CNTN4: variants seen among roughly 807,000 people sequenced by gnomAD.
CNTN4 encodes contactin 4, also known as contactin-4.
CNTN4 carries 77 observed loss-of-function variants against 122.5 expected under a neutral mutation model. That is an observed-to-expected ratio of 0.63 (90% CI 0.52 to 0.76). The LOEUF (loss-of-function observed/expected upper bound fraction) is 0.76. Among genes scored for constraint, CNTN4 ranks in the 30% least tolerant of loss-of-function variants. The pLI, the probability that CNTN4 is intolerant of heterozygous loss-of-function variation, is 0.00. For synonymous variants in CNTN4, 512 were observed against 447.0 expected, an observed-to-expected ratio of 1.15 and a Z score of -1.83; for missense variants, 1,256 against 1,259.1, an observed-to-expected ratio of 1.00 and a Z score of 0.04.
At chr3:2,332,891 T>C (rs1167836061) in intron 2 of CNTN4, among the ~76,000 whole-genome samples, 3 of 150,146 alleles carry the variant, frequency 2.0e-5, no homozygotes, top group African/African-American at 7.4e-5. Context: ...TAAAATAAAA[T>C]TAAAAAAAAA....
chr3:2,311,658 G>A (rs2042921588), intron 2 of CNTN4, among the ~76,000 whole-genome samples: 1 of 152,058 alleles, frequency 6.6e-6, no homozygotes, highest in South Asian at 2.1e-4. Context: ...TCACTGATCC[G>A]GCATGCTAAG....
chr3:2,135,346 C>T (rs578229303), intron 2 of CNTN4, among the ~76,000 whole-genome samples: 2 of 152,230 alleles, frequency 1.3e-5, no homozygotes, highest in East Asian at 1.9e-4. Context: ...ATGTAAAATA[C>T]GAGTACTATC....
rs1233878183 is a variant in CNTN4, at chr3:2,440,873, GTATATATGTA to G, written c.-89+101648_-89+101657del. Among the ~76,000 whole-genome samples, 322 of 74,688 alleles carry G rather than the reference GTATATATGTA, an allele frequency of 4.3e-3. 1 individual carries two copies. The highest frequency in any genetic ancestry group is 9.4e-3 in the African/African-American group (242 of 25,874). 49.0% of individuals were successfully genotyped at this position (74,688 alleles called of 152,430 possible). ...ATATATACATATATCTAACATATAT[GTATATATGTA>G]TATATATATACATGTATATAACAAA... On this transcript the variant is annotated intron_variant, in intron 3 of 24. Coordinates refer to ENST00000418658, the MANE Select transcript of CNTN4 (RefSeq NM_175607.3).
In CNTN4 at chr3:2,809,725, C is replaced by T. The variant is rs374792220; in HGVS notation, c.359-9761C>T. On this transcript the variant is annotated intron_variant, in intron 6 of 24. Coordinates refer to ENST00000418658, the MANE Select transcript of CNTN4 (RefSeq NM_175607.3). ...GCTTGCATGTTAGGGCACCCGTCTC[C>T]GAAGGAGAACAACATTATTAACGGT... Among the ~76,000 whole-genome samples, 16 of 152,186 alleles carry T rather than the reference C, an allele frequency of 1.1e-4. No individual in the cohort carries two copies. The South Asian group carries it at 2.3e-3, about 22-fold the overall frequency.
intron 3 of CNTN4, among the ~76,000 whole-genome samples, chr3:2,502,966 C>G (rs1379308618): frequency 6.6e-6 from 1 of 152,114 alleles, no homozygotes; most frequent in Non-Finnish European, 1.5e-5. Flanking sequence ...AACCGCAACA[C>G]ATATACAATA....
At chr3:2,129,035 T>C (rs76889533) in intron 2 of CNTN4, among the ~76,000 whole-genome samples, 3,655 of 152,284 alleles carry the variant, frequency 0.024, 45 homozygotes, top group Middle Eastern at 0.088. Context: ...TTTTCTATGG[T>C]AAAATATTTG....
chr3:2,925,663 A>G lies in CNTN4; in HGVS notation c.1242A>G (p.Lys414=). ...VGPDFSRTLL[K]RVTLVKVGGE... is the part of the protein sequence containing the mutation. ...CAGATTTTTCAAGAACACTCTTGAAAAGAGTAACTCTTGTCAAAGTGGGAG... is the reference window on the plus strand; with the variant it reads ...CAGATTTTTCAAGAACACTCTTGAAGAGAGTAACTCTTGTCAAAGTGGGAG... The change falls in exon 13 of 25, where the codon AAA becomes AAG. Residue 414 remains lysine (K), a synonymous_variant. Coordinates refer to ENST00000418658, the MANE Select transcript of CNTN4 (RefSeq NM_175607.3). 1 of 1,614,180 alleles carries G rather than the reference A, an allele frequency of 6.2e-7. No homozygotes were observed. The highest frequency in any genetic ancestry group is 8.5e-7 in the Non-Finnish European group (1 of 1,179,994).
intron 2 of CNTN4, among the ~76,000 whole-genome samples, chr3:2,107,261 C>T (rs949671178): frequency 2.6e-5 from 4 of 152,142 alleles, no homozygotes; most frequent in African/African-American, 7.2e-5. Context: ...CAATTTACTG[C>T]ATTAGTCTGT....
chr3:2,977,584 G>A (rs1402312542), intron 13 of CNTN4, among the ~76,000 whole-genome samples: 1 of 151,866 alleles, frequency 6.6e-6, no homozygotes, highest in African/African-American at 2.4e-5. Flanking sequence ...CCTTCTACAG[G>A]CTGGAAGGAG....
chr3:2,742,283 A>G (rs192645151), intron 5 of CNTN4, among the ~76,000 whole-genome samples: 69 of 152,138 alleles, frequency 4.5e-4, no homozygotes, highest in Admixed American at 2.0e-3. Flanking sequence ...CTGCCCCTCA[A>G]TTTTGAAAGG....
chr3:2,456,430 G>A (rs552727658), intron 3 of CNTN4, among the ~76,000 whole-genome samples: 10 of 152,116 alleles, frequency 6.6e-5, no homozygotes, highest in South Asian at 2.1e-4. Flanking sequence ...CGCTTACACC[G>A]ATGTGCAGCC....
intron 6 of CNTN4, among the ~76,000 whole-genome samples, chr3:2,795,612 C>A: frequency 6.6e-6 from 1 of 151,712 alleles, no homozygotes; most frequent in African/African-American, 2.4e-5. Context: ...GCTCTGCCTC[C>A]CGGGTTCACG....
At chr3:2,142,413 G>A (rs2035037734) in intron 2 of CNTN4, among the ~76,000 whole-genome samples, 1 of 151,308 alleles carries the variant, frequency 6.6e-6, no homozygotes, top group African/African-American at 2.4e-5. Context: ...CGCCCAGGCT[G>A]GAGTGCAATG....
intron 13 of CNTN4, among the ~76,000 whole-genome samples, chr3:2,981,411 T>C (rs1301590535): frequency 2.6e-5 from 4 of 151,966 alleles, no homozygotes; most frequent in Non-Finnish European, 5.9e-5. Flanking sequence ...AGCACTGCAC[T>C]CCAGCCTGGG....
In CNTN4 at chr3:3,056,401, T is replaced by C. The variant is rs1701803953; in HGVS notation, c.*181T>C. On this transcript the variant is annotated 3_prime_UTR_variant, in exon 25 of 25. Transcript: ENST00000418658. ...CTTCCTCAAAGCAAATCTAGCTTTG[T>C]CTGAAGTTTCTTTGGAAACTCTGCA... is the stretch of plus-strand genomic sequence containing the variant. The C allele has an allele frequency of 1.7e-6, 1 of 580,686 alleles. No homozygotes were observed. The highest frequency in any genetic ancestry group is 3.0e-5 in the East Asian group (1 of 33,210). The allele number at this position is 580,686 out of a possible 1,614,324, so 36.0% of individuals were successfully genotyped here.
At chr3:2,926,461 GA>G (rs2094474359) in intron 13 of CNTN4, among the ~76,000 whole-genome samples, 1 of 152,124 alleles carries the variant, frequency 6.6e-6, no homozygotes, top group Non-Finnish European at 1.5e-5. Flanking sequence ...GTGTCTCTAA[GA>G]CCTTTTCTTG....
At chr3:3,042,630 G>A (rs544066971) in intron 21 of CNTN4, among the ~76,000 whole-genome samples, 30 of 152,204 alleles carry the variant, frequency 2.0e-4, no homozygotes, top group African/African-American at 6.0e-4. Flanking sequence ...GGTATTTTTC[G>A]AATTATATGC....
rs187726898 is a variant in CNTN4, at chr3:2,163,426, G to C, written c.-145+62787G>C. On this transcript the variant is annotated intron_variant, in intron 2 of 24. Transcript: ENST00000418658. ...TAGAAGATACATCAGAAAAACTCTTGTAGATATTGGCTTAGGGAAAGAATT... is the reference window on the plus strand; with the variant it reads ...TAGAAGATACATCAGAAAAACTCTTCTAGATATTGGCTTAGGGAAAGAATT... Among the ~76,000 whole-genome samples the C allele has an allele frequency of 1.4e-3, 215 of 152,188 alleles. 2 individuals are homozygous for C. The highest frequency in any genetic ancestry group is 4.9e-3 in the African/African-American group (202 of 41,542).
intron 3 of CNTN4, among the ~76,000 whole-genome samples, chr3:2,344,463 A>G (rs1305819654): frequency 2.0e-5 from 3 of 151,966 alleles, no homozygotes; most frequent in Non-Finnish European, 4.4e-5. Flanking sequence ...TATTTTTAGT[A>G]GAGATGGGGT....
Sources: allele counts gnomAD v4.1 joint callset (sites outside exome capture counted in the v4.1 genomes callset), GRCh38; gene constraint gnomAD v4.1.1; transcripts MANE v1.5; gene names NCBI Gene and HGNC (gene_info 2026-07-23, HGNC 2026-07-21).